LDB2: variants seen among roughly 807,000 people sequenced by gnomAD.
LDB2 encodes LIM domain binding 2.
Under a neutral mutation model 44.3 loss-of-function variants are expected in LDB2, and 12 were observed. That is an observed-to-expected ratio of 0.27 (90% CI 0.17 to 0.44). The LOEUF is 0.44. Among genes scored for constraint, LDB2 ranks in the 20% least tolerant of loss-of-function variants. LDB2 has a pLI of 1.00. For missense variants in LDB2, 344 were observed against 473.5 expected, an observed-to-expected ratio of 0.73 and a Z score of 2.54; for synonymous variants, 164 against 174.8, an observed-to-expected ratio of 0.94 and a Z score of 0.49.
rs751118593 is a variant in LDB2, at chr4:16,502,889, G to C, written c.892-16C>G. The C allele has an allele frequency of 6.2e-7, 1 of 1,612,674 alleles. No individual in the cohort carries two copies. Among genetic ancestry groups the C allele is most frequent in the Non-Finnish European group, 8.5e-7 (1 of 1,178,782 alleles). On this transcript the variant is annotated splice_polypyrimidine_tract_variant and intron_variant, in intron 7 of 7. Transcript: ENST00000304523. ...CCATCACATCCTGTGAACAGCAGCT[G>C]ACATTATTACAGGGAAACCTTGGGA...
intron 2 of LDB2, among the ~76,000 whole-genome samples, chr4:16,601,716 A>G (rs1005477632): frequency 3.9e-5 from 6 of 152,190 alleles, no homozygotes; most frequent in Admixed American, 1.3e-4. Context: ...TAATTCTGCT[A>G]TATCTCAAAA....
At chr4:16,691,783 T>C (rs563705637) in intron 2 of LDB2, among the ~76,000 whole-genome samples, 4 of 152,304 alleles carry the variant, frequency 2.6e-5, no homozygotes, top group African/African-American at 9.6e-5. Context: ...AGTTAACTCA[T>C]TTTCTTCTCA....
intron 2 of LDB2, among the ~76,000 whole-genome samples, chr4:16,689,843 T>G (rs565975988): frequency 6.6e-6 from 1 of 152,358 alleles, no homozygotes; most frequent in South Asian, 2.1e-4. Flanking sequence ...CTAAATATTA[T>G]ACAACCTAAT....
intron 1 of LDB2, among the ~76,000 whole-genome samples, chr4:16,791,057 A>T (rs1029302091): frequency 2.6e-5 from 4 of 152,146 alleles, no homozygotes; most frequent in Non-Finnish European, 5.9e-5. Flanking sequence ...ACTACTTGTC[A>T]TTATCAACTA....
At position 16,639,060 on chromosome 4, in the gene LDB2, A is replaced by T. The variant is rs1734420104; in HGVS notation, c.236-43185T>A. ...CAGGCTTGGATCTTTCAACTTTTGAATCAAGTTTCAGAGCAAAGTTTGAGA... is the reference window on the plus strand; with the variant it reads ...CAGGCTTGGATCTTTCAACTTTTGATTCAAGTTTCAGAGCAAAGTTTGAGA... On this transcript the variant is annotated intron_variant, in intron 2 of 7. Coordinates refer to ENST00000304523, the MANE Select transcript of LDB2 (RefSeq NM_001290.5). Among the ~76,000 whole-genome samples, 4 of 152,342 alleles carry T rather than the reference A, an allele frequency of 2.6e-5. No homozygotes were observed. In the South Asian group the frequency reaches 8.3e-4, roughly 32 times the overall value.
chr4:16,522,276 T>TTGTG lies in LDB2; in HGVS notation c.616-10176_616-10173dup, dbSNP rs139556977. 5.7e-3 allele frequency among the ~76,000 whole-genome samples: 859 copies of TTGTG among 150,348 alleles called. 4 individuals carry two copies. Among genetic ancestry groups the TTGTG allele is most frequent in the Middle Eastern group, 0.01 (3 of 294 alleles). On this transcript the variant is annotated intron_variant, in intron 5 of 7. Coordinates refer to ENST00000304523, the MANE Select transcript of LDB2 (RefSeq NM_001290.5). ...GATATTCCCCGCCGTGTGTGTGTGT[T>TTGTG]TGTGTGTGTGTGTGTGTGTGTATGT... is the stretch of plus-strand genomic sequence containing the variant.
intron 2 of LDB2, among the ~76,000 whole-genome samples, chr4:16,618,651 G>T (rs1475096678): frequency 6.6e-6 from 1 of 152,128 alleles, no homozygotes; most frequent in Non-Finnish European, 1.5e-5. Context: ...AGGACAGTGC[G>T]GCCGATTCAG....
At chr4:16,786,963 G>A (rs368892920) in intron 1 of LDB2, among the ~76,000 whole-genome samples, 5 of 152,116 alleles carry the variant, frequency 3.3e-5, no homozygotes, top group Non-Finnish European at 5.9e-5. Context: ...TCCCATCTGT[G>A]AGATGATTTC....
intron 5 of LDB2, among the ~76,000 whole-genome samples, chr4:16,522,276 T>TTGTGTGTGGGTGTG (rs61400788): frequency 1.7e-4 from 26 of 150,350 alleles, no homozygotes; most frequent in African/African-American, 6.1e-4. Context: ...GTGTGTGTGT[T>TTGTGTGTGGGTGTG]TGTGTGTGTG....
chr4:16,791,018 C>G (rs927704833), intron 1 of LDB2, among the ~76,000 whole-genome samples: 5 of 152,186 alleles, frequency 3.3e-5, no homozygotes, highest in Admixed American at 1.3e-4. Context: ...AAAAGCCCAA[C>G]TGCCTGGCTC....
intron 4 of LDB2, among the ~76,000 whole-genome samples, chr4:16,587,282 C>T (rs1717333275): frequency 6.6e-6 from 1 of 152,188 alleles, no homozygotes; most frequent in South Asian, 2.1e-4. Context: ...GTTCTAAGTG[C>T]TTTACAGTCA....
chr4:16,609,847 C>T (rs1462749248), intron 2 of LDB2, among the ~76,000 whole-genome samples: 1 of 152,136 alleles, frequency 6.6e-6, no homozygotes, highest in Non-Finnish European at 1.5e-5. Context: ...ACTCTCCCCA[C>T]CAAGGGACAA....
At chr4:16,559,427 C>T (rs1429445557) in intron 5 of LDB2, among the ~76,000 whole-genome samples, 5 of 151,674 alleles carry the variant, frequency 3.3e-5, no homozygotes, top group African/African-American at 7.3e-5. Context: ...TAGTCTCTGA[C>T]AAAACAGACT....
chr4:16,822,495 G>A (rs555277566), intron 1 of LDB2, among the ~76,000 whole-genome samples: 1 of 152,118 alleles, frequency 6.6e-6, no homozygotes, highest in East Asian at 1.9e-4. Flanking sequence ...AGTTTTCTCT[G>A]TCATGTGCTG....
At chr4:16,842,955 CTG>C in intron 1 of LDB2, among the ~76,000 whole-genome samples, 1 of 152,156 alleles carries the variant, frequency 6.6e-6, no homozygotes. Flanking sequence ...AAAGAGGACA[CTG>C]TTATTATTTT....
At chr4:16,645,725 C>T (rs1037712649) in intron 2 of LDB2, among the ~76,000 whole-genome samples, 1 of 152,018 alleles carries the variant, frequency 6.6e-6, no homozygotes, top group Non-Finnish European at 1.5e-5. Context: ...TTCTATTTGG[C>T]ACATCCAGGA....
chr4:16,573,880 G>T (rs1323791738), intron 5 of LDB2, among the ~76,000 whole-genome samples: 1 of 152,142 alleles, frequency 6.6e-6, no homozygotes, highest in Admixed American at 6.5e-5. Flanking sequence ...GGGTTGAATT[G>T]TAATGCCTTC....
chr4:16,528,400 T>G (rs1454299176), intron 5 of LDB2, among the ~76,000 whole-genome samples: 1 of 152,224 alleles, frequency 6.6e-6, no homozygotes, highest in Non-Finnish European at 1.5e-5. Context: ...TTTTTGTCAT[T>G]AAAGGCAATG....
rs1368882979 is a variant in LDB2, at chr4:16,739,496, G to A, written c.235+19662C>T. Among the ~76,000 whole-genome samples the A allele has an allele frequency of 1.1e-4, 15 of 142,546 alleles. No homozygotes were observed. The East Asian group carries it at 3.1e-3, about 30-fold the overall frequency. The allele number at this position is 142,546 out of a possible 152,430, so 93.5% of individuals were successfully genotyped here. On this transcript the variant is annotated intron_variant, in intron 2 of 7. Transcript: ENST00000304523. ...AGCCACTTAAGCGGCTGAGGCACAAGAATCACTTGAACCCGGGAGGCAGAG... is the reference window on the plus strand; with the variant it reads ...AGCCACTTAAGCGGCTGAGGCACAAAAATCACTTGAACCCGGGAGGCAGAG...
Sources: allele counts gnomAD v4.1 joint callset (sites outside exome capture counted in the v4.1 genomes callset), GRCh38; gene constraint gnomAD v4.1.1; transcripts MANE v1.5; gene names NCBI Gene and HGNC (gene_info 2026-07-23, HGNC 2026-07-21).